MGAT5: variants seen among roughly 807,000 people sequenced by gnomAD.
MGAT5 encodes the protein alpha-1,6-mannosylglycoprotein 6-beta-N-acetylglucosaminyltransferase, also known as alpha-1,6-mannosylglycoprotein 6-beta-N-acetylglucosaminyltransferase A.
In MGAT5, 30 loss-of-function variants were observed where a neutral mutation model predicts 94.3. The observed-to-expected ratio is 0.32, with a 90% CI of 0.24 to 0.43. The LOEUF is 0.43. MGAT5 is among the 20% of genes least tolerant of loss of function. The pLI is 1.00. For missense variants in MGAT5, 691 were observed against 905.5 expected (o/e 0.76, Z 3.04); for synonymous variants, 310 against 322.9 (o/e 0.96, Z 0.43).
At chr2:134,184,763 A>T (rs1026807487) in intron 1 of MGAT5, among the ~76,000 whole-genome samples, 1 of 152,104 alleles carries the variant, frequency 6.6e-6, no homozygotes, top group Non-Finnish European at 1.5e-5. Context: ...AGCAGAGAAC[A>T]TGACTGAGCA....
At chr2:134,220,713 C>T (rs1294223495) in intron 1 of MGAT5, among the ~76,000 whole-genome samples, 1 of 152,150 alleles carries the variant, frequency 6.6e-6, no homozygotes, top group East Asian at 1.9e-4. Flanking sequence ...TTCTCCCCTC[C>T]TCACCCTCCT....
At chr2:134,312,814 T>C (rs1573770252) in intron 2 of MGAT5, among the ~76,000 whole-genome samples, 1 of 152,130 alleles carries the variant, frequency 6.6e-6, no homozygotes, top group East Asian at 1.9e-4. Flanking sequence ...TTTAAAGGCT[T>C]TCCTTTTCAG....
chr2:134,441,720 C>A, intron 14 of MGAT5, 38 bp from the exon 15 acceptor site: 2 of 1,591,112 alleles, frequency 1.3e-6, no homozygotes, highest in Non-Finnish European at 8.6e-7. Context: ...CCAGCTGTAT[C>A]CTTGGACCTG....
intron 8 of MGAT5, among the ~76,000 whole-genome samples, chr2:134,345,684 A>C (rs141213086): frequency 1.2e-4 from 19 of 152,324 alleles, no homozygotes; most frequent in African/African-American, 4.6e-4. Context: ...AATGAATTAC[A>C]TAACGAAATT....
intron 1 of MGAT5, among the ~76,000 whole-genome samples, chr2:134,242,463 T>C (rs1005343421): frequency 2.0e-5 from 3 of 152,234 alleles, no homozygotes; most frequent in Non-Finnish European, 4.4e-5. Context: ...ATATAAGTTC[T>C]GTACGTGTTA....
intron 2 of MGAT5, among the ~76,000 whole-genome samples, chr2:134,291,151 T>A (rs559032234): frequency 2.2e-4 from 33 of 152,250 alleles, no homozygotes; most frequent in African/African-American, 7.9e-4. Flanking sequence ...AGGTGTGTAG[T>A]GGACTAAATG....
chr2:134,338,549 T>A, intron 6 of MGAT5, 129 bp downstream of exon 6: 3 of 999,978 alleles, frequency 3.0e-6, no homozygotes, highest in Middle Eastern at 2.5e-4. Context: ...CTGCTCAGTC[T>A]CTTGTACAGC....
At chr2:134,302,716 CTGTG>C (rs3034344) in intron 2 of MGAT5, among the ~76,000 whole-genome samples, 16,896 of 133,232 alleles carry the variant, frequency 0.13, 1,104 homozygotes, top group East Asian at 0.23. Context: ...TTAAGAAATG[CTGTG>C]TGTGTGTGTG....
intron 1 of MGAT5, among the ~76,000 whole-genome samples, chr2:134,137,700 A>T (rs1242706275): frequency 6.6e-6 from 1 of 152,162 alleles, no homozygotes; most frequent in Non-Finnish European, 1.5e-5. Context: ...TTCTTTGTTT[A>T]AAAAAATATT....
At chr2:134,172,358 A>C (rs1198588416) in intron 1 of MGAT5, among the ~76,000 whole-genome samples, 1 of 151,668 alleles carries the variant, frequency 6.6e-6, no homozygotes, top group African/African-American at 2.4e-5. Context: ...TTATGGAGGA[A>C]GGAATTTCCT....
chr2:134,340,915 A>C (rs1688588799), intron 6 of MGAT5, among the ~76,000 whole-genome samples: 1 of 152,194 alleles, frequency 6.6e-6, no homozygotes, highest in Non-Finnish European at 1.5e-5. Context: ...TAGAAAAAAT[A>C]AAGGGCAGTT....
At chr2:134,307,433 C>T (rs955498962) in intron 2 of MGAT5, among the ~76,000 whole-genome samples, 3 of 152,088 alleles carry the variant, frequency 2.0e-5, no homozygotes, top group African/African-American at 7.2e-5. Context: ...CTGGATGTCA[C>T]CTTTTTTTCA....
chr2:134,192,573 G>C (rs1401609195), intron 1 of MGAT5, among the ~76,000 whole-genome samples: 1 of 152,136 alleles, frequency 6.6e-6, no homozygotes, highest in Non-Finnish European at 1.5e-5. Context: ...TCGTATTATT[G>C]TATCAGATAA....
intron 10 of MGAT5, among the ~76,000 whole-genome samples, chr2:134,380,408 T>C (rs1681463092): frequency 6.6e-6 from 1 of 152,228 alleles, no homozygotes; most frequent in Non-Finnish European, 1.5e-5. Context: ...CCCAGCTTTA[T>C]GCTGTTGTTA....
chr2:134,379,515 G>A (rs917029210), intron 10 of MGAT5, among the ~76,000 whole-genome samples: 3 of 152,144 alleles, frequency 2.0e-5, no homozygotes, highest in African/African-American at 7.2e-5. Context: ...TTAAGTTTTA[G>A]GCAGGCACAC....
intron 1 of MGAT5, among the ~76,000 whole-genome samples, chr2:134,232,478 T>C (rs1288767537): frequency 6.6e-6 from 1 of 152,168 alleles, no homozygotes; most frequent in East Asian, 1.9e-4. Flanking sequence ...GGCTTCTACA[T>C]CTTGAAAAAT....
intron 10 of MGAT5, among the ~76,000 whole-genome samples, chr2:134,370,778 A>G (rs1192007055): frequency 6.6e-6 from 1 of 152,280 alleles, no homozygotes; most frequent in Non-Finnish European, 1.5e-5. Flanking sequence ...AATAAAATGC[A>G]AAGGGAAACA....
rs559283022 is a variant in MGAT5, at chr2:134,335,445, G to A, written c.574-772G>A. ...TAATGCATTTCTCATTTTTTTGCTA[G>A]AAATTAAGTTGCCTAATAGTCTTTG... On this transcript the variant is annotated intron_variant, in intron 4 of 15. Transcript: ENST00000281923. Among the ~76,000 whole-genome samples the A allele has an allele frequency of 3.9e-5, 6 of 152,174 alleles. No individual in the cohort carries two copies. The East Asian group carries it at 1.2e-3, about 29-fold the overall frequency.
intron 8 of MGAT5, among the ~76,000 whole-genome samples, chr2:134,347,581 A>C (rs1688996605): frequency 1.3e-5 from 2 of 152,228 alleles, no homozygotes; most frequent in Admixed American, 6.5e-5. Flanking sequence ...GCAGACCAAA[A>C]ATATCTGAAG....
Sources: gnomAD v4.1 joint callset for allele counts (sites outside exome capture counted in the v4.1 genomes callset) on GRCh38, gnomAD v4.1.1 for gene constraint, MANE v1.5 for transcripts, NCBI Gene and HGNC (gene_info 2026-07-23, HGNC 2026-07-21) for gene names.